Variants in TRAPPC9 observed in about 807,000 individuals in gnomAD.
TRAPPC9 encodes the protein trafficking protein particle complex subunit 9, also known as IKK2 binding protein.
TRAPPC9 carries 83 observed loss-of-function variants against 124.0 expected under a neutral mutation model. The ratio of observed to expected loss-of-function variants is 0.67; its 90% CI spans 0.56 to 0.80. The LOEUF is 0.80. Among genes scored for constraint, TRAPPC9 ranks in the 30% least tolerant of loss-of-function variants. The pLI, the probability that TRAPPC9 is intolerant of heterozygous loss-of-function variation, is 0.00. For missense variants in TRAPPC9, 1,302 were observed against 1,508.3 expected (o/e 0.86, Z 2.27); for synonymous variants, 638 against 617.5 (o/e 1.03, Z -0.49).
chr8:140,207,346 T>C (rs1445973850), intron 17 of TRAPPC9, among the ~76,000 whole-genome samples: 1 of 152,246 alleles, frequency 6.6e-6, no homozygotes, highest in Non-Finnish European at 1.5e-5. Flanking sequence ...TAGAATTCTT[T>C]TTGTTTGACG....
intron 20 of TRAPPC9, among the ~76,000 whole-genome samples, chr8:139,895,094 C>A (rs1357549489): frequency 1.3e-5 from 2 of 152,108 alleles, no homozygotes; most frequent in African/African-American, 4.8e-5. Flanking sequence ...AACGGCCACC[C>A]CCGGAGCCAC....
At chr8:139,972,989 G>T (rs2614724) in intron 19 of TRAPPC9, among the ~76,000 whole-genome samples, 1 of 152,034 alleles carries the variant, frequency 6.6e-6, no homozygotes, top group African/African-American at 2.4e-5. Context: ...GGACGACCAC[G>T]TTCTCATTCC....
chr8:139,745,529 T>G (rs1017989526), intron 21 of TRAPPC9, among the ~76,000 whole-genome samples: 1 of 152,208 alleles, frequency 6.6e-6, no homozygotes, highest in Admixed American at 6.5e-5. Context: ...AAGCGATTGG[T>G]AGGACAGCGG....
At chr8:140,283,833 A>C in intron 14 of TRAPPC9, 56 bp downstream of exon 14, 3 of 1,592,692 alleles carry the variant, frequency 1.9e-6, no homozygotes, top group Admixed American at 1.7e-5. Context: ...AAAAAAATGT[A>C]GGACCAAAAA....
intron 17 of TRAPPC9, among the ~76,000 whole-genome samples, chr8:140,191,673 T>C (rs1313510623): frequency 6.6e-6 from 1 of 152,208 alleles, no homozygotes; most frequent in Non-Finnish European, 1.5e-5. Context: ...TGCAGAACCA[T>C]GAGGCAATTA....
chr8:139,908,954 T>C (rs567965989), intron 20 of TRAPPC9, among the ~76,000 whole-genome samples: 3 of 152,242 alleles, frequency 2.0e-5, no homozygotes, highest in Non-Finnish European at 2.9e-5. Context: ...CTATTTTTCA[T>C]GTCTGGTTCA....
chr8:140,389,842 CAA>C (rs397971049), intron 7 of TRAPPC9, among the ~76,000 whole-genome samples: 29 of 92,508 alleles, frequency 3.1e-4, no homozygotes, highest in Middle Eastern at 5.4e-3. Flanking sequence ...CAACAATAAC[CAA>C]AAAAAAAAAA....
chr8:139,757,001 CAGG>C (rs1819870101), intron 21 of TRAPPC9, among the ~76,000 whole-genome samples: 1 of 133,186 alleles, frequency 7.5e-6, no homozygotes, highest in Non-Finnish European at 1.6e-5. Flanking sequence ...CAGCATGTCG[CAGG>C]AGGAGCCAGG....
At chr8:139,990,902 T>G (rs557202626) in intron 18 of TRAPPC9, among the ~76,000 whole-genome samples, 18 of 152,250 alleles carry the variant, frequency 1.2e-4, no homozygotes, top group African/African-American at 4.3e-4. Flanking sequence ...TCACCATTTA[T>G]ATCATGTAGC....
At chr8:139,765,590 A>T (rs1240347172) in intron 21 of TRAPPC9, among the ~76,000 whole-genome samples, 4 of 152,106 alleles carry the variant, frequency 2.6e-5, no homozygotes, top group Non-Finnish European at 2.9e-5. Flanking sequence ...TCAGGTCAGA[A>T]CCCCCATCAA....
chr8:140,126,668 T>C (rs1355377140), intron 17 of TRAPPC9, among the ~76,000 whole-genome samples: 1 of 152,202 alleles, frequency 6.6e-6, no homozygotes, highest in Non-Finnish European at 1.5e-5. Context: ...AACATTTAAT[T>C]AGGACAGTGT....
intron 14 of TRAPPC9, among the ~76,000 whole-genome samples, chr8:140,278,698 C>G (rs1272815242): frequency 6.6e-6 from 1 of 152,138 alleles, no homozygotes; most frequent in Non-Finnish European, 1.5e-5. Flanking sequence ...GCCATCAGGC[C>G]GCCTGCTCCT....
chr8:140,394,364 G>A (rs1045568025), intron 7 of TRAPPC9, among the ~76,000 whole-genome samples: 21 of 152,156 alleles, frequency 1.4e-4, no homozygotes, highest in African/African-American at 4.8e-4. Flanking sequence ...CTTGCCCATC[G>A]CAGAGTCACT....
intron 17 of TRAPPC9, among the ~76,000 whole-genome samples, chr8:140,127,941 A>T (rs2061128562): frequency 1.3e-5 from 2 of 152,260 alleles, no homozygotes; most frequent in Admixed American, 1.3e-4. Flanking sequence ...ATTCACCTGT[A>T]TTAAGAAAGT....
At chr8:140,204,038 G>C (rs1394137402) in intron 17 of TRAPPC9, among the ~76,000 whole-genome samples, 1 of 152,178 alleles carries the variant, frequency 6.6e-6, no homozygotes, top group African/African-American at 2.4e-5. Context: ...CTCAGGGTGA[G>C]ATGTGACCTC....
intron 9 of TRAPPC9, among the ~76,000 whole-genome samples, chr8:140,349,241 A>AGAAGGGGGCCGAAGGAGGCGGG (rs2067455212): frequency 2.0e-5 from 1 of 50,606 alleles, no homozygotes; most frequent in East Asian, 4.6e-4. Flanking sequence ...AAGGGGGCAC[A>AGAAGGGGGCCGAAGGAGGCGGG]CGACGGAAGG....
intron 10 of TRAPPC9, among the ~76,000 whole-genome samples, chr8:140,301,932 G>A (rs1401838973): frequency 6.6e-6 from 1 of 152,232 alleles, no homozygotes; most frequent in Admixed American, 6.5e-5. Flanking sequence ...GCCCTGGAGA[G>A]CCACCCAACC....
rs765352684 is a variant in TRAPPC9, at chr8:140,311,238, C to T, written c.1622+10G>A. ...CAGCTGCCTTTCCGGCTCTGCAGTG[C>T]CCATCTCACCTGACGATGGGAAGCT... is the stretch of plus-strand genomic sequence containing the variant. On this transcript the variant is annotated intron_variant, in intron 10 of 22. Coordinates refer to ENST00000438773, the MANE Select transcript of TRAPPC9 (RefSeq NM_001160372.4). The T allele has an allele frequency of 3.7e-6, 6 of 1,609,314 alleles. No individual in the cohort carries two copies. In the African/African-American group the frequency reaches 6.7e-5, roughly 18 times the overall value.
At chr8:140,132,442 T>G (rs2061225371) in intron 17 of TRAPPC9, among the ~76,000 whole-genome samples, 1 of 152,154 alleles carries the variant, frequency 6.6e-6, no homozygotes, top group East Asian at 1.9e-4. Flanking sequence ...AACCTCAGCC[T>G]CAGTAGATTG....
Sources: allele counts gnomAD v4.1 joint callset (sites outside exome capture counted in the v4.1 genomes callset), GRCh38; gene constraint gnomAD v4.1.1; transcripts MANE v1.5; gene names NCBI Gene and HGNC (gene_info 2026-07-23, HGNC 2026-07-21).